ITPKA: variants seen among roughly 807,000 people sequenced by gnomAD.
ITPKA encodes the protein IP3 3-kinase A.
A neutral mutation model predicts 40.7 loss-of-function variants in ITPKA; 16 were observed. The ratio of observed to expected loss-of-function variants is 0.39; its 90% CI spans 0.27 to 0.60. The LOEUF (loss-of-function observed/expected upper bound fraction) is 0.60. Among genes scored for constraint, ITPKA ranks in the 20% least tolerant of loss-of-function variants. The probability of loss-of-function intolerance (pLI) is 0.50; values close to 1 mark genes in which losing one functional copy is unlikely to be tolerated. For missense variants in ITPKA, 540 were observed against 649.3 expected (o/e 0.83, Z 1.83); for synonymous variants, 313 against 289.9 (o/e 1.08, Z -0.81).
intron 1 of ITPKA, among the ~76,000 whole-genome samples, chr15:41,499,644 C>T (rs565256706): frequency 4.6e-5 from 7 of 152,322 alleles, no homozygotes; most frequent in African/African-American, 1.7e-4. Flanking sequence ...TTAGAACTCC[C>T]TCTTGTCAGG....
In ITPKA at chr15:41,501,671, T is replaced by G; in HGVS notation, c.623T>G (p.Leu208Arg). ...FKAAGTSGLI[L>R]KRCSEPERYC... is the part of the protein sequence containing the mutation. ...GCGGCGGGCACCAGCGGGCTGATCC[T>G]GAAGCGCTGCTCGGAGCCGGAGCGC... Residue 208 changes from leucine to arginine, a missense_variant, in exon 3 of 7, where the codon CTG (leucine) becomes CGG (arginine). Transcript: ENST00000260386. 2 of 1,609,592 alleles carry G rather than the reference T, an allele frequency of 1.2e-6. No individual in the cohort carries two copies. Among genetic ancestry groups the G allele is most frequent in the Non-Finnish European group, 1.7e-6 (2 of 1,178,508 alleles).
Position 41,494,475 on chromosome 15 carries a change from T to G in ITPKA, c.489+59T>G, listed in dbSNP as rs2051056208. On this transcript the variant is annotated intron_variant, in intron 1 of 6. Coordinates refer to ENST00000260386, the MANE Select transcript of ITPKA (RefSeq NM_002220.3). This position sits in a 1 kb window ranked among gnomAD's most constrained non-coding sequence, Gnocchi z 7.8. ...GCGGGGGCTGCACGGGGGACCTGGC[T>G]GGGTGCTCCCGGAGGACCCGCTCCT... 8.3e-7 allele frequency: 1 copy of G among 1,201,792 alleles called. No individual in the cohort carries two copies. The highest frequency in any genetic ancestry group is 1.1e-6 in the Non-Finnish European group (1 of 910,878). 74.4% of individuals were successfully genotyped at this position (1,201,792 alleles called of 1,614,324 possible).
rs1272626999 is a variant in ITPKA, at chr15:41,502,155, G to T, written c.962G>T (p.Gly321Val). 1 of 1,601,388 alleles carries T rather than the reference G, an allele frequency of 6.2e-7. No individual in the cohort carries two copies. Among genetic ancestry groups the T allele is most frequent in the Admixed American group, 1.7e-5 (1 of 57,706 alleles). ...TKPRYMQWRE[G>V]ISSSTTLGFR... is the part of the protein sequence containing the mutation. The stretch of plus-strand genomic sequence containing the variant: ...CCGCGCTACATGCAGTGGCGGGAAG[G>T]CATCAGCTCCAGCACCACCCTCGGC... Residue 321 changes from glycine (G) to valine (V), a missense_variant, in exon 4 of 7, where the codon GGC becomes GTC. By Grantham distance (109) the Gly-to-Val change is moderately radical. Coordinates refer to ENST00000260386, the MANE Select transcript of ITPKA (RefSeq NM_002220.3).
chr15:41,500,204 C>T (rs180740419), intron 1 of ITPKA, among the ~76,000 whole-genome samples: 2 of 152,304 alleles, frequency 1.3e-5, no homozygotes, highest in African/African-American at 2.4e-5. Context: ...TGTGATCCGC[C>T]CACCTCAGTC....
Position 41,494,001 on chromosome 15 carries a change from G to C in ITPKA, c.74G>C (p.Arg25Pro). 2 of 1,159,346 alleles carry C rather than the reference G, an allele frequency of 1.7e-6. No homozygotes were observed. Among genetic ancestry groups the C allele is most frequent in the Non-Finnish European group, 1.1e-6 (1 of 941,698 alleles). The allele number at this position is 1,159,346 out of a possible 1,614,324, so 71.8% of individuals were successfully genotyped here. ...GARPCSPGLERAPRRSVGELR... is the reference protein window; with the variant it reads ...GARPCSPGLEPAPRRSVGELR... Reference sequence around the variant, plus strand: ...AGGCCCTGCAGCCCGGGGCTGGAGCGGGCCCCGCGCCGGAGTGTCGGGGAG... The same window carrying C: ...AGGCCCTGCAGCCCGGGGCTGGAGCCGGCCCCGCGCCGGAGTGTCGGGGAG... The change falls in exon 1 of 7, where the codon CGG becomes CCG. Residue 25 changes from arginine to proline, a missense_variant. Transcript: ENST00000260386. The surrounding 1 kb of genome is among the most constrained non-coding windows in gnomAD (Gnocchi z 7.8).
intron 1 of ITPKA, among the ~76,000 whole-genome samples, chr15:41,499,298 C>T (rs548861976): frequency 5.3e-5 from 8 of 152,310 alleles, no homozygotes; most frequent in East Asian, 3.9e-4. Flanking sequence ...GGCACGTGAT[C>T]ACACCCTAGT....
chr15:41,501,012 A>G (rs1196749320), intron 1 of ITPKA, among the ~76,000 whole-genome samples: 5 of 75,188 alleles, frequency 6.7e-5, no homozygotes, highest in Non-Finnish European at 9.2e-5. Context: ...CCATCTGAAA[A>G]AAAAAAAAAA....
At position 41,493,952 on chromosome 15, in the gene ITPKA, G is replaced by A; in HGVS notation, c.25G>A (p.Gly9Ser). ...AATGACCCTGCCCGGGGGCCCAACG[G>A]GCATGGCGCGGCCGGGGGGCGCGAG... MTLPGGPT[G>S]MARPGGARPC... Residue 9 changes from glycine (G) to serine (S), a missense_variant, in exon 1 of 7, where the codon GGC becomes AGC. Coordinates refer to ENST00000260386, the MANE Select transcript of ITPKA (RefSeq NM_002220.3). 1 of 1,039,954 alleles carries A rather than the reference G, an allele frequency of 9.6e-7. No individual in the cohort carries two copies. Among genetic ancestry groups the A allele is most frequent in the Non-Finnish European group, 1.2e-6 (1 of 866,176 alleles). The allele number at this position is 1,039,954 out of a possible 1,614,324, so 64.4% of individuals were successfully genotyped here. A position where few individuals can be genotyped will look rare whatever the true frequency, so the allele number is the denominator to read the frequency against.
Position 41,503,417 on chromosome 15 carries a change from G to A in ITPKA, c.*251G>A. Reference sequence around the variant, plus strand: ...GAGGGGGCAAAGGGCTTCTTCCTCAGGCCAGCTCTTCTGAGGAGGCTCTGC... The same window carrying A: ...GAGGGGGCAAAGGGCTTCTTCCTCAAGCCAGCTCTTCTGAGGAGGCTCTGC... On this transcript the variant is annotated 3_prime_UTR_variant, in exon 7 of 7. Coordinates refer to ENST00000260386, the MANE Select transcript of ITPKA (RefSeq NM_002220.3). The A allele has an allele frequency of 1.7e-6, 1 of 594,936 alleles. No homozygotes were observed. Among genetic ancestry groups the A allele is most frequent in the Non-Finnish European group, 3.1e-6 (1 of 327,236 alleles). The allele number at this position is 594,936 out of a possible 1,614,324, so 36.9% of individuals were successfully genotyped here. A position where few individuals can be genotyped will look rare whatever the true frequency, so the allele number is the denominator to read the frequency against.
Position 41,493,903 on chromosome 15 carries a change from T to C in ITPKA, c.-25T>C, listed in dbSNP as rs2140669862. The C allele has an allele frequency of 2.0e-6, 2 of 1,002,746 alleles. No homozygotes were observed. Among genetic ancestry groups the C allele is most frequent in the Non-Finnish European group, 2.4e-6 (2 of 842,900 alleles). The allele number at this position is 1,002,746 out of a possible 1,614,324, so 62.1% of individuals were successfully genotyped here. ...CCCGGCGCGCCGCGGGCTGGTGGGC[T>C]CAGCGGCGGCGCCGGCACTGGGAAA... On this transcript the variant is annotated 5_prime_UTR_variant, in exon 1 of 7. Transcript: ENST00000260386.
At position 41,503,003 on chromosome 15, in the gene ITPKA, A is replaced by T; in HGVS notation, c.1223A>T (p.His408Leu). 1.2e-6 allele frequency: 2 copies of T among 1,608,088 alleles called. No individual in the cohort carries two copies. Among genetic ancestry groups the T allele is most frequent in the Non-Finnish European group, 1.7e-6 (2 of 1,176,768 alleles). Residue 408 changes from histidine (H) to leucine (L), a missense_variant, in exon 7 of 7, where the codon CAT becomes CTT. His to Leu is a moderately conservative substitution (Grantham distance 99). Transcript: ENST00000260386. Reference protein sequence around the residue: ...SSLLFVHDHCHRAGVWLIDFG... With the variant: ...SSLLFVHDHCLRAGVWLIDFG... ...CTCCTCTTTGTGCACGATCACTGCCATCGCGCCGGCGTGTGGCTCATCGAC... is the reference window on the plus strand; with the variant it reads ...CTCCTCTTTGTGCACGATCACTGCCTTCGCGCCGGCGTGTGGCTCATCGAC...
chr15:41,495,033 C>T (rs79068268), intron 1 of ITPKA, among the ~76,000 whole-genome samples: 8,497 of 152,272 alleles, frequency 0.056, 318 homozygotes, highest in East Asian at 0.19. Flanking sequence ...ATCTTCCCGG[C>T]TCGCCGCTCC....
rs371939659 is a variant in ITPKA at position 41,495,157 on chromosome 15, C to T, written c.489+741C>T. 1.6e-4 allele frequency among the ~76,000 whole-genome samples: 25 copies of T among 152,368 alleles called. No homozygotes were observed. The East Asian group carries it at 4.0e-3, about 25-fold the overall frequency. ...GGGACCAGGTCTGACCCTCGGAAAA[C>T]ACAGCCCTGGGCACTGTTAAGTCAT... On this transcript the variant is annotated intron_variant, in intron 1 of 6. Coordinates refer to ENST00000260386, the MANE Select transcript of ITPKA (RefSeq NM_002220.3).
chr15:41,501,380 G>C, intron 1 of ITPKA, 83 bp from the exon 2 acceptor site: 1 of 1,529,906 alleles, frequency 6.5e-7, no homozygotes, highest in Non-Finnish European at 8.8e-7. Flanking sequence ...GGTCGGGGGC[G>C]TGGCGAGACC....
At position 41,503,198 on chromosome 15, in the gene ITPKA, C is replaced by A. The variant is rs866352389; in HGVS notation, c.*32C>A. ...ACTCCTGTCCCCGCGGGCCGCTCAC[C>A]TGACATGTGGACCTGCAGCTTTGTC... On this transcript the variant is annotated 3_prime_UTR_variant, in exon 7 of 7. Transcript: ENST00000260386. 22 of 1,487,414 alleles carry A rather than the reference C, an allele frequency of 1.5e-5. No homozygotes were observed. Among genetic ancestry groups the A allele is most frequent in the South Asian group, 3.8e-5 (3 of 79,276 alleles). The allele number at this position is 1,487,414 out of a possible 1,614,324, so 92.1% of individuals were successfully genotyped here.
chr15:41,495,083 G>T (rs1033240647), intron 1 of ITPKA, among the ~76,000 whole-genome samples: 3 of 152,230 alleles, frequency 2.0e-5, no homozygotes, highest in Non-Finnish European at 4.4e-5. Context: ...AGGCTGCAAG[G>T]GGGCAGGATC....
At chr15:41,498,238 C>T (rs934145369) in intron 1 of ITPKA, among the ~76,000 whole-genome samples, 1 of 151,244 alleles carries the variant, frequency 6.6e-6, no homozygotes. Context: ...CCCTGGAAGT[C>T]CAGGATGCAG....
intron 1 of ITPKA, among the ~76,000 whole-genome samples, chr15:41,497,888 A>G (rs2051085473): frequency 6.6e-6 from 1 of 152,078 alleles, no homozygotes; most frequent in Non-Finnish European, 1.5e-5. Context: ...ACGGTGGCTC[A>G]CACTTGCAAT....
chr15:41,494,202 C>A lies in ITPKA; in HGVS notation c.275C>A (p.Pro92His). ...GTGACAGCCGAGGAGCCCGACGTGCCCCCGACCAGCCCTGGGCCGCCGGAG... is the reference window on the plus strand; with the variant it reads ...GTGACAGCCGAGGAGCCCGACGTGCACCCGACCAGCCCTGGGCCGCCGGAG... Reference protein sequence around the residue: ...LTVTAEEPDVPPTSPGPPERE... With the variant: ...LTVTAEEPDVHPTSPGPPERE... The change falls in exon 1 of 7, where the codon CCC becomes CAC. Residue 92 changes from proline to histidine, a missense_variant. Transcript: ENST00000260386. This position sits in a 1 kb window ranked among gnomAD's most constrained non-coding sequence, Gnocchi z 7.8. 2.0e-6 allele frequency: 3 copies of A among 1,525,466 alleles called. No homozygotes were observed. The highest frequency in any genetic ancestry group is 2.6e-6 in the Non-Finnish European group (3 of 1,143,564). The allele number at this position is 1,525,466 out of a possible 1,614,324, so 94.5% of individuals were successfully genotyped here. A position where few individuals can be genotyped will look rare whatever the true frequency, so the allele number is the denominator to read the frequency against.
Sources: allele counts gnomAD v4.1 joint callset (sites outside exome capture counted in the v4.1 genomes callset), GRCh38; gene constraint gnomAD v4.1.1; non-coding constraint Gnocchi (gnomAD v3.1); transcripts MANE v1.5; gene names NCBI Gene and HGNC (gene_info 2026-07-23, HGNC 2026-07-21).